The following RBFOX1 variants were observed in gnomAD, a reference collection of about 807,000 sequenced individuals.
The protein encoded by RBFOX1 is RNA binding fox-1 homolog 1.
RBFOX1 carries 8 observed loss-of-function variants against 57.7 expected under a neutral mutation model. The ratio of observed to expected loss-of-function variants is 0.14; its 90% CI spans 0.08 to 0.25. RBFOX1 has a LOEUF of 0.25. Ranked by LOEUF, RBFOX1 falls within the 10% of genes least tolerant of loss-of-function variation. RBFOX1 has a pLI of 1.00. For missense variants in RBFOX1, 611 were observed against 548.5 expected, an observed-to-expected ratio of 1.11 and a Z score of -1.14; for synonymous variants, 326 against 222.4, an observed-to-expected ratio of 1.47 and a Z score of -4.15.
At chr16:7,685,837 A>G (rs17766925) in intron 14 of RBFOX1, among the ~76,000 whole-genome samples, 51,626 of 151,962 alleles carry the variant, frequency 0.34, 9,302 homozygotes, top group Middle Eastern at 0.43. Context: ...TTGAAATCAG[A>G]TCTTTTATTC....
At chr16:6,823,038 G>C (rs1428319814) in intron 3 of RBFOX1, among the ~76,000 whole-genome samples, 1 of 152,112 alleles carries the variant, frequency 6.6e-6, no homozygotes, top group Non-Finnish European at 1.5e-5. Context: ...CTGATGTCAT[G>C]TTTGTTATTG....
At chr16:6,538,410 T>C (rs959631125) in intron 2 of RBFOX1, among the ~76,000 whole-genome samples, 6 of 152,170 alleles carry the variant, frequency 3.9e-5, no homozygotes, top group African/African-American at 1.2e-4. Context: ...GAGGATCACT[T>C]GAGCCTGTGA....
chr16:7,120,838 C>CACACACACACAT (rs1555491045), intron 4 of RBFOX1, among the ~76,000 whole-genome samples: 7 of 141,668 alleles, frequency 4.9e-5, no homozygotes, highest in Non-Finnish European at 7.6e-5. Context: ...TATACACACA[C>CACACACACACAT]ACACACACAC....
intron 4 of RBFOX1, among the ~76,000 whole-genome samples, chr16:7,129,257 A>T (rs2069520129): frequency 6.6e-6 from 1 of 152,112 alleles, no homozygotes; most frequent in Non-Finnish European, 1.5e-5. Flanking sequence ...TAGTAACCCC[A>T]CAATTGAACC....
At position 5,733,975 on chromosome 16, in the gene RBFOX1, T is replaced by C. The variant is rs141374710; in HGVS notation, c.319-133328T>C. On this transcript the variant is annotated intron_variant, in intron 3 of 19. Coordinates refer to the RBFOX1 transcript ENST00000641259. Reference sequence around the variant, plus strand: ...CCTGACCTCGACCCTTCTCCTGTTCTGATGACTGGGCACGTGTTACCTATT... The same window carrying C: ...CCTGACCTCGACCCTTCTCCTGTTCCGATGACTGGGCACGTGTTACCTATT... Among the ~76,000 whole-genome samples the C allele has an allele frequency of 6.6e-5, 10 of 152,274 alleles. No individual in the cohort carries two copies. In the East Asian group the frequency reaches 1.9e-3, roughly 29 times the overall value.
At position 7,708,013 on chromosome 16, in the gene RBFOX1, T is replaced by A. The variant is rs147675190; in HGVS notation, c.996-1043T>A. Among the ~76,000 whole-genome samples the A allele has an allele frequency of 2.0e-5, 3 of 152,292 alleles. No homozygotes were observed. The East Asian group carries it at 5.8e-4, about 29-fold the overall frequency. ...AGGGCAAACAAGTATGGGCACAGGA[T>A]ACGGTGGACCAAGCACGCAAGTTGC... On this transcript the variant is annotated intron_variant, in intron 14 of 15. Coordinates refer to ENST00000550418, the MANE Select transcript of RBFOX1 (RefSeq NM_018723.4).
intron 1 of RBFOX1, among the ~76,000 whole-genome samples, chr16:5,400,841 G>C (rs545389911): frequency 6.6e-6 from 1 of 152,180 alleles, no homozygotes; most frequent in Non-Finnish European, 1.5e-5. Flanking sequence ...GAGAGAAGTG[G>C]TCATATTTTC....
At chr16:6,814,107 T>C (rs895448843) in intron 3 of RBFOX1, among the ~76,000 whole-genome samples, 1 of 152,180 alleles carries the variant, frequency 6.6e-6, no homozygotes, top group Non-Finnish European at 1.5e-5. Context: ...CTTTATTTAA[T>C]AGCCCACATA....
Position 6,370,362 on chromosome 16 carries a change from G to GAAAAAA in RBFOX1, c.-64+53329_-64+53334dup, listed in dbSNP as rs71145221. Among the ~76,000 whole-genome samples, 114 of 82,014 alleles carry GAAAAAA rather than the reference G, an allele frequency of 1.4e-3. 2 individuals are homozygous for GAAAAAA. The highest frequency in any genetic ancestry group is 1.6e-3 in the Non-Finnish European group (73 of 46,020). 53.8% of individuals were successfully genotyped at this position (82,014 alleles called of 152,430 possible). On this transcript the variant is annotated intron_variant, in intron 2 of 15. Transcript: ENST00000550418. ...GACAGATAGAGACTCCGTCTCAAAAGAAAAAAAAAAAAAAAAAAAAAAAAA... is the reference window on the plus strand; with the variant it reads ...GACAGATAGAGACTCCGTCTCAAAAGAAAAAAAAAAAAAAAAAAAAAAAAAAAAAAA...
chr16:6,338,798 C>T (rs1833157), intron 2 of RBFOX1, among the ~76,000 whole-genome samples: 3 of 152,130 alleles, frequency 2.0e-5, no homozygotes, highest in Non-Finnish European at 2.9e-5. Flanking sequence ...TTCAAAAGTA[C>T]GGAACAATTT....
rs569896010 is a variant in RBFOX1, at chr16:6,291,657, A to G, written c.-126-25338A>G. On this transcript the variant is annotated intron_variant, in intron 1 of 15. Coordinates refer to ENST00000550418, the MANE Select transcript of RBFOX1 (RefSeq NM_018723.4). ...AATGGCATCCTTTGCCGTATTGTCT[A>G]CATTATCTTATGTAAACATGCAGAT... is the stretch of plus-strand genomic sequence containing the variant. 2.6e-5 allele frequency among the ~76,000 whole-genome samples: 4 copies of G among 152,340 alleles called. No homozygotes were observed. The East Asian group carries it at 5.8e-4, about 22-fold the overall frequency.
At chr16:7,454,237 C>T (rs7193206) in intron 4 of RBFOX1, among the ~76,000 whole-genome samples, 78,188 of 151,888 alleles carry the variant, frequency 0.51, 20,493 homozygotes, top group East Asian at 0.74. Flanking sequence ...CGTCCCCCAC[C>T]AACCCCCCCA....
chr16:5,398,676 G>C (rs1184930643), intron 1 of RBFOX1, among the ~76,000 whole-genome samples: 2 of 152,102 alleles, frequency 1.3e-5, no homozygotes, highest in Admixed American at 6.5e-5. Flanking sequence ...AGGATAGCAA[G>C]GTTGACAGTG....
At chr16:5,365,806 C>G in intron 1 of RBFOX1, 1 of 515,580 alleles carries the variant, frequency 1.9e-6, no homozygotes. Context: ...ATGGAAGATT[C>G]AGTGGACATG....
chr16:6,518,473 T>C (rs980691691), intron 2 of RBFOX1, among the ~76,000 whole-genome samples: 1 of 152,112 alleles, frequency 6.6e-6, no homozygotes, highest in African/African-American at 2.4e-5. Context: ...ATTATACAGA[T>C]GGGCACACTG....
intron 1 of RBFOX1, among the ~76,000 whole-genome samples, chr16:6,242,329 C>T (rs2097543949): frequency 6.6e-6 from 1 of 152,074 alleles, no homozygotes; most frequent in Non-Finnish European, 1.5e-5. Flanking sequence ...CCCTATCAGC[C>T]TGTATAGGTC....
chr16:6,047,469 A>G (rs952153576), intron 1 of RBFOX1, among the ~76,000 whole-genome samples: 4 of 152,334 alleles, frequency 2.6e-5, no homozygotes, highest in African/African-American at 7.2e-5. Flanking sequence ...GCCAGATGCT[A>G]TGTGACCAAA....
intron 4 of RBFOX1, among the ~76,000 whole-genome samples, chr16:7,066,701 C>T (rs745590692): frequency 3.9e-5 from 6 of 152,160 alleles, no homozygotes; most frequent in Non-Finnish European, 8.8e-5. Context: ...CTTCCACAGT[C>T]AGGACTGAAG....
At chr16:6,901,095 C>T (rs753142058) in intron 3 of RBFOX1, among the ~76,000 whole-genome samples, 2 of 152,164 alleles carry the variant, frequency 1.3e-5, no homozygotes, top group Non-Finnish European at 2.9e-5. Context: ...GCCTCTCACC[C>T]TGTATTGTAA....
Sources: gnomAD v4.1 joint callset for allele counts (sites outside exome capture counted in the v4.1 genomes callset) on GRCh38, gnomAD v4.1.1 for gene constraint, MANE v1.5 for transcripts, NCBI Gene and HGNC (gene_info 2026-07-23, HGNC 2026-07-21) for gene names.